PCSK1: variants seen among roughly 807,000 people sequenced by gnomAD.
The protein encoded by PCSK1 is proprotein convertase subtilisin/kexin type 1, also known as neuroendocrine convertase 1.
PCSK1 carries 56 observed loss-of-function variants against 90.6 expected under a neutral mutation model. That is an observed-to-expected ratio of 0.62 (90% CI 0.50 to 0.77). PCSK1 has a LOEUF of 0.77. Ranked by LOEUF, PCSK1 falls within the 30% of genes least tolerant of loss-of-function variation. PCSK1 has a pLI of 0.00. For synonymous variants in PCSK1, 348 were observed against 342.4 expected (o/e 1.02, Z -0.18); for missense variants, 801 against 932.6 (o/e 0.86, Z 1.84).
chr5:96,399,517 A>C (rs1760278575), intron 10 of PCSK1, among the ~76,000 whole-genome samples: 1 of 152,192 alleles, frequency 6.6e-6, no homozygotes, highest in African/African-American at 2.4e-5. Flanking sequence ...ATGGAAGAAA[A>C]GCCATGAATC....
intron 10 of PCSK1, 55 bp from the exon 11 acceptor site, chr5:96,399,091 T>A: frequency 7.7e-7 from 1 of 1,297,824 alleles, no homozygotes. Flanking sequence ...TTCCTTGCAT[T>A]TTATGCATAT....
chr5:96,425,125 G>C (rs886927408), intron 3 of PCSK1, among the ~76,000 whole-genome samples: 1 of 152,052 alleles, frequency 6.6e-6, no homozygotes. Flanking sequence ...TATGCAACAA[G>C]AGTATCAAAG....
rs538141218 is a variant in PCSK1 at position 96,430,912 on chromosome 5, T to A, written c.181-1595A>T. Among the ~76,000 whole-genome samples, 116 of 152,324 alleles carry A rather than the reference T, an allele frequency of 7.6e-4. 1 individual carries two copies. Among genetic ancestry groups the A allele is most frequent in the African/African-American group, 2.5e-3 (102 of 41,574 alleles). ...ATGTATTGTTTTTTACTATTAAGAT[T>A]TATGTTTATTTATTTTGAAAAGCAG... On this transcript the variant is annotated intron_variant, in intron 1 of 13. Transcript: ENST00000311106.
At chr5:96,402,817 G>A (rs192763357) in intron 9 of PCSK1, among the ~76,000 whole-genome samples, 115 of 152,280 alleles carry the variant, frequency 7.6e-4, no homozygotes, top group African/African-American at 2.7e-3. Flanking sequence ...ACCCTGGAGA[G>A]TGACTGACAG....
intron 9 of PCSK1, among the ~76,000 whole-genome samples, chr5:96,403,438 C>T (rs910311108): frequency 1.1e-4 from 16 of 152,022 alleles, no homozygotes; most frequent in South Asian, 2.1e-4. Context: ...TGACAGGCCC[C>T]GGTGTATTTT....
intron 6 of PCSK1, among the ~76,000 whole-genome samples, chr5:96,414,692 T>C (rs155971): frequency 0.57 from 87,230 of 152,084 alleles, 26,008 homozygotes; most frequent in Non-Finnish European, 0.66. Context: ...CTTCTGATTC[T>C]TTCTCTACAA....
intron 5 of PCSK1, among the ~76,000 whole-genome samples, chr5:96,416,661 C>A (rs187709836): frequency 2.0e-5 from 3 of 152,128 alleles, no homozygotes; most frequent in Non-Finnish European, 4.4e-5. Flanking sequence ...TAAATATATG[C>A]CACACTAAAA....
chr5:96,411,624 C>T (rs1021408197), intron 7 of PCSK1, among the ~76,000 whole-genome samples: 1 of 152,222 alleles, frequency 6.6e-6, no homozygotes, highest in Non-Finnish European at 1.5e-5. Context: ...CAACACGTTT[C>T]TATATTTGAA....
In PCSK1 at chr5:96,392,164, C is replaced by T. The variant is rs772439505; in HGVS notation, c.*837G>A. On this transcript the variant is annotated 3_prime_UTR_variant, in exon 14 of 14. Transcript: ENST00000311106. ...ATTGTGACTAGGAATTTGCCAAGTCCCAAGTGTAAGTTTTTTTTTTTCTGG... is the reference window on the plus strand; with the variant it reads ...ATTGTGACTAGGAATTTGCCAAGTCTCAAGTGTAAGTTTTTTTTTTTCTGG... The T allele has an allele frequency of 1.4e-5, 2 of 145,306 alleles. No individual in the cohort carries two copies. Among genetic ancestry groups the T allele is most frequent in the Non-Finnish European group, 3.0e-5 (2 of 65,920 alleles). The allele number at this position is 145,306 out of a possible 1,614,324, so 9.0% of individuals were successfully genotyped here. A position where few individuals can be genotyped will look rare whatever the true frequency, so the allele number is the denominator to read the frequency against.
At chr5:96,395,551 C>T (rs1411465301) in intron 12 of PCSK1, among the ~76,000 whole-genome samples, 1 of 152,110 alleles carries the variant, frequency 6.6e-6, no homozygotes, top group Non-Finnish European at 1.5e-5. Context: ...AACAGAAAAC[C>T]AAACACTGAA....
At chr5:96,423,535 TG>T in intron 3 of PCSK1, 76 bp from the exon 4 acceptor site, 1 of 1,293,046 alleles carries the variant, frequency 7.7e-7, no homozygotes. Context: ...AGTTCCAACC[TG>T]GAGACCCATC....
intron 6 of PCSK1, 93 bp downstream of exon 6, chr5:96,415,940 T>A: frequency 1.2e-6 from 1 of 816,740 alleles, no homozygotes; most frequent in Non-Finnish European, 2.2e-6. Context: ...TTCCTCCAGT[T>A]GTTAAAAAGA....
In PCSK1 at chr5:96,407,638, A is replaced by C. The variant is rs543694745; in HGVS notation, c.1196+585T>G. ...TTGTCAGAGATGACAACTAATATTT[A>C]CTGACAATGGTGTTTAAGCATGATT... On this transcript the variant is annotated intron_variant, in intron 9 of 13. Transcript: ENST00000311106. Among the ~76,000 whole-genome samples the C allele has an allele frequency of 7.9e-5, 12 of 152,354 alleles. No homozygotes were observed. In the South Asian group the frequency reaches 2.5e-3, roughly 32 times the overall value.
chr5:96,428,867 A>C (rs1280653533), intron 2 of PCSK1, among the ~76,000 whole-genome samples: 20 of 152,198 alleles, frequency 1.3e-4, no homozygotes, highest in Non-Finnish European at 1.5e-5. Flanking sequence ...GTATTGTCAA[A>C]CATTTTTATT....
intron 1 of PCSK1, chr5:96,432,034 C>T (rs527355973): frequency 2.9e-6 from 4 of 1,366,738 alleles, no homozygotes; most frequent in African/African-American, 1.4e-5. Flanking sequence ...CAAGCCTTCA[C>T]TTGGACAGGC....
At chr5:96,417,099 A>G (rs1760960656) in intron 5 of PCSK1, among the ~76,000 whole-genome samples, 1 of 152,200 alleles carries the variant, frequency 6.6e-6, no homozygotes, top group Non-Finnish European at 1.5e-5. Flanking sequence ...GTTAGCTCGG[A>G]GCAATAATGT....
chr5:96,393,891 G>A (rs747400223), intron 13 of PCSK1, among the ~76,000 whole-genome samples: 1 of 152,220 alleles, frequency 6.6e-6, no homozygotes, highest in Non-Finnish European at 1.5e-5. Flanking sequence ...AGGCTGGGGA[G>A]GAGGGAGCTG....
chr5:96,396,204 A>G (rs1045788659), intron 12 of PCSK1, among the ~76,000 whole-genome samples: 1 of 152,188 alleles, frequency 6.6e-6, no homozygotes, highest in Non-Finnish European at 1.5e-5. Flanking sequence ...AATGTAACAA[A>G]CGACTATAGA....
intron 1 of PCSK1, chr5:96,431,995 C>T: frequency 1.1e-6 from 1 of 897,150 alleles, no homozygotes. Flanking sequence ...TCTTGACGCC[C>T]ACCCACCTCC....
Sources: gnomAD v4.1 joint callset for allele counts (sites outside exome capture counted in the v4.1 genomes callset) on GRCh38, gnomAD v4.1.1 for gene constraint, MANE v1.5 for transcripts, NCBI Gene and HGNC (gene_info 2026-07-23, HGNC 2026-07-21) for gene names.